The following FOLR1 variants were observed in gnomAD, a reference collection of about 807,000 sequenced individuals.
FOLR1 encodes folate receptor alpha.
In FOLR1, 11 loss-of-function variants were observed where a neutral mutation model predicts 22.8. The ratio of observed to expected loss-of-function variants is 0.48; its 90% CI spans 0.30 to 0.80. The LOEUF (loss-of-function observed/expected upper bound fraction) is 0.80. Ranked by LOEUF, FOLR1 falls within the 30% of genes least tolerant of loss-of-function variation. FOLR1 has a pLI of 0.06. For synonymous variants in FOLR1, 108 were observed against 116.5 expected, an observed-to-expected ratio of 0.93 and a Z score of 0.47; for missense variants, 273 against 320.3, an observed-to-expected ratio of 0.85 and a Z score of 1.13.
chr11:72,194,689 G>A (rs372340694), intron 1 of FOLR1, among the ~76,000 whole-genome samples: 11 of 151,720 alleles, frequency 7.3e-5, no homozygotes, highest in East Asian at 3.9e-4. Context: ...GTGAGCCACC[G>A]CACCCGGCCT....
rs17162056 is a variant in FOLR1, at chr11:72,195,200, T to C, written c.169-71T>C. On this transcript the variant is annotated intron_variant, in intron 1 of 3. Transcript: ENST00000393676. ...AATCAAGGACTAAGAGGGGAGACAC[T>C]GCATGTGGAATATTCTGGCTGTGCT... is the stretch of plus-strand genomic sequence containing the variant. 29,563 of 1,417,196 alleles carry C rather than the reference T, an allele frequency of 0.021. 870 individuals carry two copies. Among genetic ancestry groups the C allele is most frequent in the African/African-American group, 0.11 (7,642 of 71,192 alleles). 87.8% of individuals were successfully genotyped at this position (1,417,196 alleles called of 1,614,324 possible).
Position 72,192,317 on chromosome 11 carries a change from C to G in FOLR1, c.144C>G (p.Gly48=). The change falls in exon 1 of 4, where the codon GGC becomes GGG. Residue 48 remains glycine (G), a synonymous_variant. Transcript: ENST00000393676. ...MNAKHHKEKP[G]PEDKLHEQCR... ...CCAAGCACCACAAGGAAAAGCCAGG[C>G]CCCGAGGACAAGTTGCATGAGCAGG... 6.2e-7 allele frequency: 1 copy of G among 1,614,096 alleles called. No individual in the cohort carries two copies.
chr11:72,192,124 C>T (rs1212668564), upstream of FOLR1: 2 of 1,610,504 alleles, frequency 1.2e-6, no homozygotes, highest in African/African-American at 2.7e-5. Context: ...AAGGCCCCAC[C>T]TCCGCATTCC....
chr11:72,191,515 A>G (rs1245764832), upstream of FOLR1, among the ~76,000 whole-genome samples: 1 of 151,968 alleles, frequency 6.6e-6, no homozygotes, highest in African/African-American at 2.4e-5. Context: ...GGCACACGAC[A>G]CCGCACCCAG....
At chr11:72,194,068 G>A (rs1270649377) in intron 1 of FOLR1, among the ~76,000 whole-genome samples, 3 of 151,964 alleles carry the variant, frequency 2.0e-5, no homozygotes, top group Non-Finnish European at 4.4e-5. Context: ...CAGGCACTAT[G>A]TGAGCCACTG....
At chr11:72,191,946 T>C (rs1948161527), upstream of FOLR1, 4 of 558,202 alleles carry the variant, frequency 7.2e-6, no homozygotes, top group Admixed American at 6.1e-5. Context: ...TTATATCACC[T>C]GAACCTCGTG....
At position 72,195,480 on chromosome 11, in the gene FOLR1, G is replaced by A. The variant is rs149273197; in HGVS notation, c.357+21G>A. On this transcript the variant is annotated intron_variant, in intron 2 of 3. Transcript: ENST00000393676. ...AGCAGGTATGCATGGCTTCCTGCAG[G>A]TACAAGACCTAGCGGAGCAGCTGAG... 23 of 1,614,008 alleles carry A rather than the reference G, an allele frequency of 1.4e-5. No individual in the cohort carries two copies. The East Asian group carries it at 4.9e-4, about 34-fold the overall frequency.
chr11:72,196,214 C>T lies in FOLR1; in HGVS notation c.*37C>T. 6.2e-7 allele frequency: 1 copy of T among 1,612,450 alleles called. No individual in the cohort carries two copies. Among genetic ancestry groups the T allele is most frequent in the South Asian group, 1.1e-5 (1 of 90,970 alleles). On this transcript the variant is annotated 3_prime_UTR_variant, in exon 4 of 4. Coordinates refer to ENST00000393676, the MANE Select transcript of FOLR1 (RefSeq NM_016729.3). Reference sequence around the variant, plus strand: ...CTTCTGATACCTGGAAATCCCTGCCCTGTTCAGCCCCACAGCTCCCAACTA... The same window carrying T: ...CTTCTGATACCTGGAAATCCCTGCCTTGTTCAGCCCCACAGCTCCCAACTA...
upstream of FOLR1, chr11:72,192,116 G>C (rs1948163510): frequency 8.1e-6 from 13 of 1,605,418 alleles, no homozygotes; most frequent in East Asian, 2.5e-4. Flanking sequence ...CACAACTTAA[G>C]GCCCCACCTC....
Position 72,195,415 on chromosome 11 carries a change from T to G in FOLR1, c.313T>G (p.Cys105Gly). The change falls in exon 2 of 4, where the codon TGC becomes GGC. Residue 105 changes from cysteine to glycine, a missense_variant. Transcript: ENST00000393676. ...CAAACGGCATTTCATCCAGGACACC[T>G]GCCTCTACGAGTGCTCCCCCAACTT... ...ACKRHFIQDT[C>G]LYECSPNLGP... 3 of 1,614,240 alleles carry G rather than the reference T, an allele frequency of 1.9e-6. No individual in the cohort carries two copies. The highest frequency in any genetic ancestry group is 2.5e-6 in the Non-Finnish European group (3 of 1,180,038).
At chr11:72,191,806 A>G (rs1220492818), upstream of FOLR1, among the ~76,000 whole-genome samples, 1 of 152,216 alleles carries the variant, frequency 6.6e-6, no homozygotes, top group African/African-American at 2.4e-5. Context: ...GTATATGAAA[A>G]TTATATTTTC....
chr11:72,195,927 G>A lies in FOLR1; in HGVS notation c.524G>A (p.Cys175Tyr). The change falls in exon 4 of 4, where the codon TGC becomes TAC. Residue 175 changes from cysteine (C) to tyrosine (Y), a missense_variant. Transcript: ENST00000393676. ...AACAAGTGCGCAGTGGGAGCTGCCT[G>A]CCAACCTTTCCATTTCTACTTCCCC... ...GFNKCAVGAA[C>Y]QPFHFYFPTP... 1 of 1,614,222 alleles carries A rather than the reference G, an allele frequency of 6.2e-7. No homozygotes were observed. Among genetic ancestry groups the A allele is most frequent in the Non-Finnish European group, 8.5e-7 (1 of 1,180,042 alleles).
At chr11:72,191,435 T>A (rs974853864), upstream of FOLR1, among the ~76,000 whole-genome samples, 6 of 152,028 alleles carry the variant, frequency 3.9e-5, no homozygotes, top group East Asian at 9.7e-4. Flanking sequence ...CAATCTTGGC[T>A]CACTGTAACC....
At chr11:72,193,285 G>A (rs182244368) in intron 1 of FOLR1, among the ~76,000 whole-genome samples, 6 of 151,844 alleles carry the variant, frequency 4.0e-5, no homozygotes, top group African/African-American at 1.2e-4. Context: ...TGTAGATCGT[G>A]CCACTGCACT....
intron 1 of FOLR1, among the ~76,000 whole-genome samples, chr11:72,194,774 A>G (rs1449268087): frequency 1.3e-5 from 2 of 152,182 alleles, no homozygotes; most frequent in African/African-American, 2.4e-5. Context: ...ATCTCAGGTG[A>G]TCCACCTGCC....
At position 72,196,079 on chromosome 11, in the gene FOLR1, G is replaced by A. The variant is rs1158285428; in HGVS notation, c.676G>A (p.Ala226Thr). The A allele has an allele frequency of 1.2e-6, 2 of 1,614,194 alleles. No homozygotes were observed. Among genetic ancestry groups the A allele is most frequent in the Admixed American group, 1.7e-5 (1 of 60,012 alleles). ...CCAGGGCAACCCCAATGAGGAGGTG[G>A]CGAGGTTCTATGCTGCAGCCATGAG... is the stretch of plus-strand genomic sequence containing the variant. ...PAQGNPNEEVARFYAAAMSGA... is the reference protein window; with the variant it reads ...PAQGNPNEEVTRFYAAAMSGA... The change falls in exon 4 of 4, where the codon GCG becomes ACG. Residue 226 changes from alanine (A) to threonine (T), a missense_variant. Transcript: ENST00000393676.
chr11:72,190,801 A>C (rs7125189), upstream of FOLR1, among the ~76,000 whole-genome samples: 6,207 of 152,266 alleles, frequency 0.041, 250 homozygotes, highest in African/African-American at 0.1. Context: ...CCAGGCTTAT[A>C]TGAGCCCTGC....
At chr11:72,190,428 A>G (rs553314465), upstream of FOLR1, 1 of 152,280 alleles carries the variant, frequency 6.6e-6, no homozygotes, top group South Asian at 2.1e-4. Context: ...CCCCCTTCTT[A>G]CATTTAATCC....
upstream of FOLR1, chr11:72,192,098 G>T: frequency 1.3e-6 from 2 of 1,555,994 alleles, no homozygotes; most frequent in Non-Finnish European, 1.8e-6. Flanking sequence ...CCCTCCTGGA[G>T]CCCTGCACAC....
Sources: gnomAD v4.1 joint callset for allele counts (sites outside exome capture counted in the v4.1 genomes callset) on GRCh38, gnomAD v4.1.1 for gene constraint, MANE v1.5 for transcripts, NCBI Gene and HGNC (gene_info 2026-07-23, HGNC 2026-07-21) for gene names.